DCP1B: variants seen among roughly 807,000 people sequenced by gnomAD.
DCP1B encodes the protein decapping mRNA 1B.
In DCP1B, 47 loss-of-function variants were observed where a neutral mutation model predicts 60.5. That is an observed-to-expected ratio of 0.78 (90% confidence interval 0.61 to 0.99). The LOEUF is 0.99. Ranked by LOEUF, DCP1B falls within the 50% of genes least tolerant of loss-of-function variation. The pLI is 0.00. For synonymous variants in DCP1B, 267 were observed against 280.3 expected (o/e 0.95, Z 0.47); for missense variants, 725 against 756.8 (o/e 0.96, Z 0.49).
intron 3 of DCP1B, 38 bp downstream of exon 3, chr12:1,993,226 C>T: frequency 6.2e-7 from 1 of 1,613,978 alleles, no homozygotes; most frequent in Non-Finnish European, 8.5e-7. Flanking sequence ...GGCCAAACTT[C>T]AGAAGTAAAA....
At chr12:1,949,917 C>G in intron 7 of DCP1B, 1 of 193,238 alleles carries the variant, frequency 5.2e-6, no homozygotes, top group Non-Finnish European at 1.1e-5. Flanking sequence ...TGGGCTGACC[C>G]GGGCGGCCTG....
At chr12:1,995,302 A>T (rs6489341) in intron 2 of DCP1B, among the ~76,000 whole-genome samples, 30,105 of 152,218 alleles carry the variant, frequency 0.2, 3,104 homozygotes, top group African/African-American at 0.26. Flanking sequence ...AAGAATCATA[A>T]TGCGTGTTGT....
intron 3 of DCP1B, among the ~76,000 whole-genome samples, chr12:1,973,364 TCTAAATAAATTAATGTTATTAGAAAG>T (rs1298355097): frequency 1.3e-5 from 2 of 152,166 alleles, no homozygotes; most frequent in Non-Finnish European, 2.9e-5. Context: ...ACCTCCCCTT[TCTAAATAAATTAATGTTATTAGAAAG>T]TTAATGCCAT....
At chr12:1,976,585 C>T (rs1592922095) in intron 3 of DCP1B, among the ~76,000 whole-genome samples, 1 of 152,056 alleles carries the variant, frequency 6.6e-6, no homozygotes, top group Non-Finnish European at 1.5e-5. Context: ...GGGCAGATCC[C>T]GAAGAGAAAT....
chr12:1,964,818 A>C (rs1390105357), intron 5 of DCP1B, among the ~76,000 whole-genome samples: 31 of 152,162 alleles, frequency 2.0e-4, no homozygotes. Flanking sequence ...TCAACACCAT[A>C]CTGTTTGAAA....
intron 3 of DCP1B, among the ~76,000 whole-genome samples, chr12:1,969,559 T>C (rs1424177945): frequency 6.6e-5 from 10 of 151,588 alleles, no homozygotes; most frequent in Non-Finnish European, 1.3e-4. Context: ...TTTTTTTTTT[T>C]TTTTTTAAGA....
intron 1 of DCP1B, among the ~76,000 whole-genome samples, chr12:2,004,048 G>GT: frequency 6.6e-6 from 1 of 152,054 alleles, no homozygotes; most frequent in East Asian, 1.9e-4. Flanking sequence ...CCCAGCGTTG[G>GT]GTACGTTAGA....
Position 1,952,726 on chromosome 12 carries a change from T to C in DCP1B, c.1214A>G (p.Gln405Arg), listed in dbSNP as rs751636239. 1.9e-6 allele frequency: 3 copies of C among 1,614,142 alleles called. No individual in the cohort carries two copies. Among genetic ancestry groups the C allele is most frequent in the Non-Finnish European group, 1.7e-6 (2 of 1,180,020 alleles). Reference sequence around the variant, plus strand: ...TGGAAGGGAGCCATTGAAATAGGCCTGTGGTGGCTGAGCCAGACCCTTTCC... The same window carrying C: ...TGGAAGGGAGCCATTGAAATAGGCCCGTGGTGGCTGAGCCAGACCCTTTCC... ...APGKGLAQPPQAYFNGSLPPQ... is the reference protein window; with the variant it reads ...APGKGLAQPPRAYFNGSLPPQ... The change falls in exon 7 of 9, where the codon CAG (glutamine) becomes CGG (arginine). Residue 405 changes from glutamine (Q) to arginine (R), a missense_variant. Physicochemically the swap from Gln to Arg is conservative, Grantham distance 43. Coordinates refer to ENST00000280665, the MANE Select transcript of DCP1B (RefSeq NM_152640.5).
chr12:1,999,940 T>C (rs543957319), intron 1 of DCP1B, among the ~76,000 whole-genome samples: 3 of 152,112 alleles, frequency 2.0e-5, no homozygotes, highest in South Asian at 4.1e-4. Context: ...AATGAAAAAA[T>C]ATATATACAG....
intron 3 of DCP1B, chr12:1,970,905 A>T: frequency 3.1e-6 from 1 of 321,142 alleles, no homozygotes; most frequent in Non-Finnish European, 6.0e-6. Context: ...ACTGTAACTT[A>T]AACTTGCAGC....
intron 1 of DCP1B, 168 bp downstream of exon 1, chr12:2,004,114 C>T: frequency 1.0e-6 from 1 of 969,218 alleles, no homozygotes; most frequent in African/African-American, 1.6e-5. Context: ...TTCCTTCCCC[C>T]AAACCCCCGA....
chr12:1,964,035 C>T (rs1331977172), intron 5 of DCP1B, among the ~76,000 whole-genome samples: 1 of 152,004 alleles, frequency 6.6e-6, no homozygotes, highest in Non-Finnish European at 1.5e-5. Context: ...AATTACAATG[C>T]CAACAGTAGA....
chr12:1,971,131 C>G lies in DCP1B; in HGVS notation c.320-3221G>C. Reference sequence around the variant, plus strand: ...CGCTTCCCAGCCACCTGTCTGCCAACACGGAGGTCAAGTTTAAGGGTACTT... The same window carrying G: ...CGCTTCCCAGCCACCTGTCTGCCAAGACGGAGGTCAAGTTTAAGGGTACTT... On this transcript the variant is annotated intron_variant, in intron 3 of 8. Transcript: ENST00000280665. The surrounding 1 kb of genome is among the most constrained non-coding windows in gnomAD (Gnocchi z 4.2). 7.8e-7 allele frequency: 1 copy of G among 1,289,262 alleles called. No homozygotes were observed. The allele number at this position is 1,289,262 out of a possible 1,614,324, so 79.9% of individuals were successfully genotyped here.
At chr12:1,997,905 A>C (rs1471069179) in intron 2 of DCP1B, 30 bp downstream of exon 2, 1 of 1,552,296 alleles carries the variant, frequency 6.4e-7, no homozygotes, top group Admixed American at 1.8e-5. Flanking sequence ...TTTGAAGATT[A>C]GTTTCTTTAT....
chr12:1,995,579 C>T (rs1186195624), intron 2 of DCP1B, among the ~76,000 whole-genome samples: 4 of 152,244 alleles, frequency 2.6e-5, no homozygotes, highest in Non-Finnish European at 4.4e-5. Flanking sequence ...CCATTCCTTC[C>T]TTCCACCTCC....
chr12:1,993,642 G>GTGTGTGTGTA (rs2040065756), intron 2 of DCP1B, among the ~76,000 whole-genome samples: 1 of 148,548 alleles, frequency 6.7e-6, no homozygotes, highest in Non-Finnish European at 1.5e-5. Flanking sequence ...GTGTGTGTGT[G>GTGTGTGTGTA]TGTGTGTGTG....
intron 4 of DCP1B, among the ~76,000 whole-genome samples, chr12:1,966,882 A>T (rs2031313429): frequency 6.6e-6 from 1 of 152,192 alleles, no homozygotes. Context: ...CATTTCCGTG[A>T]GGTCACTTTC....
downstream of DCP1B, among the ~76,000 whole-genome samples, chr12:1,945,731 C>T (rs1377193188): frequency 6.6e-6 from 1 of 152,170 alleles, no homozygotes; most frequent in African/African-American, 2.4e-5. Context: ...TTGTCCTTTG[C>T]AGGGGCATGG....
chr12:1,987,709 TCA>T (rs1200310196), intron 3 of DCP1B, among the ~76,000 whole-genome samples: 1 of 152,194 alleles, frequency 6.6e-6, no homozygotes, highest in Non-Finnish European at 1.5e-5. Flanking sequence ...ACACACAAAT[TCA>T]CACACAGATA....
Sources: gnomAD v4.1 joint callset for allele counts (sites outside exome capture counted in the v4.1 genomes callset) on GRCh38, gnomAD v4.1.1 for gene constraint, Gnocchi (gnomAD v3.1) non-coding constraint, MANE v1.5 for transcripts, NCBI Gene and HGNC (gene_info 2026-07-23, HGNC 2026-07-21) for gene names.